The following NSUN6 variants were observed in gnomAD, a reference collection of about 807,000 sequenced individuals.
The protein encoded by NSUN6 is NOP2/Sun RNA methyltransferase 6.
A neutral mutation model predicts 58.0 loss-of-function variants in NSUN6; 64 were observed. The observed-to-expected ratio is 1.10, with a 90% CI of 0.90 to 1.36. The LOEUF (loss-of-function observed/expected upper bound fraction) is 1.36. NSUN6 is among the 40% of genes most tolerant of loss of function. NSUN6 has a pLI of 0.00. For synonymous variants in NSUN6, 231 were observed against 193.9 expected (o/e 1.19, Z -1.59); for missense variants, 701 against 550.1 (o/e 1.27, Z -2.74).
At chr10:18,603,687 C>T (rs907265276) in intron 6 of NSUN6, among the ~76,000 whole-genome samples, 6 of 151,944 alleles carry the variant, frequency 3.9e-5, no homozygotes, top group Non-Finnish European at 7.4e-5. Context: ...ATGTTGGCTG[C>T]GCTGGTCTCA....
intron 3 of NSUN6, among the ~76,000 whole-genome samples, chr10:18,622,533 G>A (rs2058647400): frequency 6.6e-6 from 1 of 152,216 alleles, no homozygotes; most frequent in African/African-American, 2.4e-5. Flanking sequence ...GGCCAACATG[G>A]TGAAACCCTG....
chr10:18,625,920 A>G (rs1050547819), intron 3 of NSUN6, among the ~76,000 whole-genome samples: 1 of 152,042 alleles, frequency 6.6e-6, no homozygotes, highest in Non-Finnish European at 1.5e-5. Flanking sequence ...GCCACAGGTT[A>G]TAAAAGCAAT....
intron 3 of NSUN6, among the ~76,000 whole-genome samples, chr10:18,626,713 G>A (rs1049476507): frequency 1.3e-5 from 2 of 152,218 alleles, no homozygotes; most frequent in Non-Finnish European, 2.9e-5. Context: ...GTTGCAGTGA[G>A]CCGAGATCGT....
intron 1 of NSUN6, 82 bp downstream of exon 1, chr10:18,651,047 T>C: frequency 6.5e-7 from 1 of 1,535,504 alleles, no homozygotes; most frequent in Non-Finnish European, 8.7e-7. Context: ...AAGATTTCCC[T>C]TTATACTTAT....
intron 7 of NSUN6, among the ~76,000 whole-genome samples, chr10:18,595,063 C>A (rs191441211): frequency 5.6e-4 from 86 of 152,310 alleles, no homozygotes; most frequent in African/African-American, 2.0e-3. Flanking sequence ...GGCAGGGCAT[C>A]CCTGTCATCT....
At chr10:18,587,745 G>T (rs893214385) in intron 7 of NSUN6, among the ~76,000 whole-genome samples, 1 of 152,182 alleles carries the variant, frequency 6.6e-6, no homozygotes. Context: ...GTGCTACCCA[G>T]GCTGGGTACT....
At chr10:18,630,988 G>A (rs1220544248) in intron 3 of NSUN6, among the ~76,000 whole-genome samples, 1 of 151,698 alleles carries the variant, frequency 6.6e-6, no homozygotes, top group Non-Finnish European at 1.5e-5. Flanking sequence ...GATGAACATT[G>A]ATGCAAAAAT....
intron 8 of NSUN6, among the ~76,000 whole-genome samples, chr10:18,559,506 A>C (rs2055316716): frequency 6.9e-6 from 1 of 145,164 alleles, no homozygotes; most frequent in South Asian, 2.2e-4. Flanking sequence ...TGGAATGGAG[A>C]GTAGAATGGA....
intron 8 of NSUN6, among the ~76,000 whole-genome samples, chr10:18,558,665 A>C (rs12570792): frequency 0.33 from 47,333 of 143,624 alleles, 8,175 homozygotes; most frequent in East Asian, 0.7. Context: ...GTGGAAAGGA[A>C]TTGAAAATGG....
intron 8 of NSUN6, among the ~76,000 whole-genome samples, chr10:18,582,417 A>AG (rs573526636): frequency 2.8e-4 from 42 of 152,216 alleles, no homozygotes; most frequent in Admixed American, 1.8e-3. Flanking sequence ...AAAATAACGG[A>AG]GATTGTGGTG....
intron 2 of NSUN6, among the ~76,000 whole-genome samples, chr10:18,645,013 C>G (rs2059502050): frequency 1.3e-5 from 2 of 151,726 alleles, no homozygotes. Flanking sequence ...CAAAAATTAG[C>G]TGGGTGTCTT....
At chr10:18,658,263 T>C (rs2059799819), upstream of NSUN6, 1 of 152,240 alleles carries the variant, frequency 6.6e-6, no homozygotes, top group African/African-American at 2.4e-5. Flanking sequence ...CATCTAAGTC[T>C]TAAAGGGTCT....
At chr10:18,607,909 T>C (rs544397199) in intron 6 of NSUN6, among the ~76,000 whole-genome samples, 63 of 152,336 alleles carry the variant, frequency 4.1e-4, no homozygotes, top group Admixed American at 8.5e-4. Context: ...ATCTATGAAA[T>C]TGAAGGTTTG....
chr10:18,550,711 C>T (rs146933805), intron 9 of NSUN6, among the ~76,000 whole-genome samples: 337 of 143,804 alleles, frequency 2.3e-3, no homozygotes, highest in African/African-American at 8.2e-3. Context: ...CTTCTAAAGA[C>T]GACCCCCAAA....
At chr10:18,557,305 C>T (rs1249781938) in intron 8 of NSUN6, among the ~76,000 whole-genome samples, 4 of 145,318 alleles carry the variant, frequency 2.8e-5, no homozygotes, top group East Asian at 4.2e-4. Flanking sequence ...GGAAGAGAAT[C>T]GAATGGCGAA....
chr10:18,657,704 C>T (rs151136343), upstream of NSUN6, among the ~76,000 whole-genome samples: 295 of 152,204 alleles, frequency 1.9e-3, 4 homozygotes, highest in African/African-American at 6.8e-3. Flanking sequence ...ACCTCTGCCT[C>T]CCAGGTTCAA....
chr10:18,612,224 A>T (rs923005347), intron 5 of NSUN6, among the ~76,000 whole-genome samples: 11 of 152,164 alleles, frequency 7.2e-5, no homozygotes, highest in Admixed American at 2.0e-4. Flanking sequence ...TCAAGACCAG[A>T]CTGGGCAACA....
chr10:18,586,947 C>G (rs547898100), intron 7 of NSUN6, among the ~76,000 whole-genome samples: 1 of 152,288 alleles, frequency 6.6e-6, no homozygotes, highest in East Asian at 1.9e-4. Context: ...GTTTACAATC[C>G]TCTAGCTCGA....
chr10:18,651,505 G>A lies in NSUN6; in HGVS notation c.-302C>T. On this transcript the variant is annotated 5_prime_UTR_variant, in exon 1 of 11. Transcript: ENST00000377304. ...CAAAGAACCAAAAAAAGAAAAAAAT[G>A]CTTAGTAACTGAATCCGTGGTGAAA... 1 of 1,066,942 alleles carries A rather than the reference G, an allele frequency of 9.4e-7. No homozygotes were observed. Among genetic ancestry groups the A allele is most frequent in the Non-Finnish European group, 1.1e-6 (1 of 883,680 alleles). 66.1% of individuals were successfully genotyped at this position (1,066,942 alleles called of 1,614,324 possible). A position where few individuals can be genotyped will look rare whatever the true frequency, so the allele number is the denominator to read the frequency against.
Sources: gnomAD v4.1 joint callset for allele counts (sites outside exome capture counted in the v4.1 genomes callset) on GRCh38, gnomAD v4.1.1 for gene constraint, MANE v1.5 for transcripts, NCBI Gene and HGNC (gene_info 2026-07-23, HGNC 2026-07-21) for gene names.